The following ASIC2 variants were observed in gnomAD, a reference collection of about 807,000 sequenced individuals.
ASIC2 encodes the protein acid-sensing ion channel 2.
A neutral mutation model predicts 57.3 loss-of-function variants in ASIC2; 25 were observed. The observed-to-expected ratio is 0.44, with a 90% CI of 0.32 to 0.61. ASIC2 has a LOEUF of 0.61. Ranked by LOEUF, ASIC2 falls within the 20% of genes least tolerant of loss-of-function variation. ASIC2 has a pLI of 0.06. For missense variants in ASIC2, 641 were observed against 738.1 expected (o/e 0.87, Z 1.52); for synonymous variants, 319 against 307.5 (o/e 1.04, Z -0.39).
upstream of ASIC2, among the ~76,000 whole-genome samples, chr17:33,294,106 G>C (rs563263816): frequency 6.6e-6 from 1 of 152,278 alleles, no homozygotes; most frequent in East Asian, 1.9e-4. Flanking sequence ...CTCTCCAAGA[G>C]GGTGGGAAGG....
intron 1 of ASIC2, among the ~76,000 whole-genome samples, chr17:34,107,002 T>C (rs1911085935): frequency 6.6e-6 from 1 of 152,174 alleles, no homozygotes; most frequent in Non-Finnish European, 1.5e-5. Context: ...TACATAAATA[T>C]ACATATGCGC....
intron 1 of ASIC2, among the ~76,000 whole-genome samples, chr17:33,159,176 G>T (rs760190844): frequency 4.6e-5 from 7 of 152,070 alleles, no homozygotes; most frequent in African/African-American, 1.2e-4. Context: ...GTTTGTTGTG[G>T]GTTGTTTGCT....
Position 33,492,898 on chromosome 17 carries a change from G to T in ASIC2, c.556-380831C>A, listed in dbSNP as rs755107421. ...CTCTCTGTACATAGCCTGCGTGGAT[G>T]TGGGTCAAGGGCCCCCGTGCAGCCC... On this transcript the variant is annotated intron_variant, in intron 1 of 9. Coordinates refer to the ASIC2 transcript ENST00000359872. Among the ~76,000 whole-genome samples, 9 of 152,218 alleles carry T rather than the reference G, an allele frequency of 5.9e-5. No individual in the cohort carries two copies. The South Asian group carries it at 1.9e-3, about 32-fold the overall frequency.
chr17:33,888,123 A>G (rs1239985027), intron 1 of ASIC2, among the ~76,000 whole-genome samples: 2 of 152,206 alleles, frequency 1.3e-5, no homozygotes, highest in Non-Finnish European at 2.9e-5. Context: ...TACCAGGGAT[A>G]TAACCCCATC....
chr17:33,136,337 G>A (rs1355820174), intron 1 of ASIC2, among the ~76,000 whole-genome samples: 2 of 152,178 alleles, frequency 1.3e-5, no homozygotes, highest in Non-Finnish European at 2.9e-5. Flanking sequence ...CGGTCCAGAG[G>A]TCTAGAAAAA....
intron 1 of ASIC2, among the ~76,000 whole-genome samples, chr17:33,171,178 G>C (rs74735831): frequency 0.061 from 9,272 of 152,222 alleles, 384 homozygotes; most frequent in Non-Finnish European, 0.098. Flanking sequence ...ATCTTACTCT[G>C]CCCCTAGCTT....
At chr17:34,000,250 A>ATTTTT (rs199804905) in intron 1 of ASIC2, among the ~76,000 whole-genome samples, 18,138 of 118,590 alleles carry the variant, frequency 0.15, 1,441 homozygotes, top group East Asian at 0.32. Flanking sequence ...GTGGAGATCT[A>ATTTTT]TTTTTTTTTT....
rs577711410 is a variant in ASIC2, at chr17:33,108,801, G to A, written c.859+3116C>T. The stretch of plus-strand genomic sequence containing the variant: ...TGACAAAACCTCAGCCTCCTTTTCT[G>A]GAAAATGGGGACAAGGAGTTCTGCC... On this transcript the variant is annotated intron_variant, in intron 2 of 9. Coordinates refer to ENST00000225823, the MANE Select transcript of ASIC2 (RefSeq NM_183377.2). Among the ~76,000 whole-genome samples the A allele has an allele frequency of 3.9e-5, 6 of 152,276 alleles. No homozygotes were observed. The South Asian group carries it at 8.3e-4, about 21-fold the overall frequency.
intron 1 of ASIC2, among the ~76,000 whole-genome samples, chr17:33,113,038 T>C (rs985119094): frequency 2.6e-5 from 4 of 152,204 alleles, no homozygotes; most frequent in African/African-American, 9.6e-5. Flanking sequence ...TGACTACGTC[T>C]GCTTACTCAT....
intron 1 of ASIC2, among the ~76,000 whole-genome samples, chr17:33,763,663 A>G (rs1910851329): frequency 6.6e-6 from 1 of 152,184 alleles, no homozygotes; most frequent in Non-Finnish European, 1.5e-5. Context: ...CCACTGCCGG[A>G]CACATTTTCT....
intron 1 of ASIC2, among the ~76,000 whole-genome samples, chr17:33,723,976 C>T (rs919850384): frequency 1.3e-5 from 2 of 152,116 alleles, no homozygotes; most frequent in African/African-American, 4.8e-5. Context: ...GGCTGTGTTC[C>T]CACCCAAATT....
In ASIC2 at chr17:33,127,026, C is replaced by T. The variant is rs994707812; in HGVS notation, c.709-14959G>A. Reference sequence around the variant, plus strand: ...GGGACTACAGGCGCCCGCCACCGCGCCCGGCTAATTTTTTTTGTATTTTTA... The same window carrying T: ...GGGACTACAGGCGCCCGCCACCGCGTCCGGCTAATTTTTTTTGTATTTTTA... On this transcript the variant is annotated intron_variant, in intron 1 of 9. Transcript: ENST00000225823. Among the ~76,000 whole-genome samples the T allele has an allele frequency of 1.1e-4, 16 of 150,518 alleles. 1 individual carries two copies. Among genetic ancestry groups the T allele is most frequent in the Non-Finnish European group, 1.5e-5 (1 of 67,728 alleles).
chr17:33,310,487 T>A (rs192199815), intron 1 of ASIC2, among the ~76,000 whole-genome samples: 132 of 152,300 alleles, frequency 8.7e-4, no homozygotes, highest in Middle Eastern at 3.4e-3. Flanking sequence ...GCCTCCTTAA[T>A]TCAGGAGATG....
intron 1 of ASIC2, among the ~76,000 whole-genome samples, chr17:33,433,868 C>A (rs1911506839): frequency 8.5e-6 from 1 of 117,912 alleles, no homozygotes; most frequent in African/African-American, 3.2e-5. Flanking sequence ...TACTCCTGAA[C>A]ATAAAAGTTA....
chr17:33,463,030 A>G (rs1191537438), intron 1 of ASIC2, among the ~76,000 whole-genome samples: 2 of 152,156 alleles, frequency 1.3e-5, no homozygotes, highest in East Asian at 3.9e-4. Flanking sequence ...ATCTTCTCCA[A>G]TTCAAAGATA....
chr17:33,791,193 C>T (rs74828485), intron 1 of ASIC2, among the ~76,000 whole-genome samples: 63 of 152,280 alleles, frequency 4.1e-4, no homozygotes, highest in African/African-American at 1.5e-3. Flanking sequence ...AAGTCATAGT[C>T]ACTCTGTGTG....
At chr17:33,029,750 G>A (rs2091873924) in intron 3 of ASIC2, among the ~76,000 whole-genome samples, 2 of 152,186 alleles carry the variant, frequency 1.3e-5, no homozygotes, top group African/African-American at 4.8e-5. Context: ...ATTTCCACCA[G>A]TAGTGTCTGA....
At chr17:33,875,126 C>T (rs892719471) in intron 1 of ASIC2, among the ~76,000 whole-genome samples, 58 of 152,306 alleles carry the variant, frequency 3.8e-4, no homozygotes, top group African/African-American at 1.4e-3. Context: ...AATGTCAGTG[C>T]TGTGGGGAGT....
chr17:33,880,974 G>A (rs1164522614), intron 1 of ASIC2, among the ~76,000 whole-genome samples: 2 of 152,064 alleles, frequency 1.3e-5, no homozygotes, highest in African/African-American at 2.4e-5. Context: ...ATCAATAAAC[G>A]TAATCCAGCA....
Sources: gnomAD v4.1 joint callset for allele counts (sites outside exome capture counted in the v4.1 genomes callset) on GRCh38, gnomAD v4.1.1 for gene constraint, MANE v1.5 for transcripts, NCBI Gene and HGNC (gene_info 2026-07-23, HGNC 2026-07-21) for gene names.